PUM1: variants seen among roughly 807,000 people sequenced by gnomAD.
The protein encoded by PUM1 is pumilio homolog 1.
Under a neutral mutation model 131.8 loss-of-function variants are expected in PUM1, and 13 were observed. That is an observed-to-expected ratio of 0.10 (90% CI 0.06 to 0.16). The LOEUF is 0.16. PUM1 is among the 10% of genes least tolerant of loss of function. The pLI is 1.00. For synonymous variants in PUM1, 509 were observed against 556.5 expected (o/e 0.91, Z 1.20); for missense variants, 961 against 1,512.4 (o/e 0.64, Z 6.05).
At chr1:31,048,943 C>T (rs1036691882) in intron 2 of PUM1, among the ~76,000 whole-genome samples, 4 of 152,210 alleles carry the variant, frequency 2.6e-5, no homozygotes, top group Middle Eastern at 6.8e-3. Context: ...CAGTGGCTCA[C>T]GCCTGTAATC....
intron 16 of PUM1, among the ~76,000 whole-genome samples, chr1:30,951,546 G>C (rs563178413): frequency 6.6e-6 from 1 of 151,586 alleles, no homozygotes; most frequent in African/African-American, 2.4e-5. Context: ...TCCTCATCTC[G>C]AAGTTTTGTG....
chr1:31,004,371 GGTTCCA>G (rs1329126388), intron 5 of PUM1, among the ~76,000 whole-genome samples: 1 of 152,170 alleles, frequency 6.6e-6, no homozygotes. Flanking sequence ...TAGAGTCACA[GGTTCCA>G]GTTCACCACA....
At chr1:30,934,554 G>A (rs1267661733) in intron 21 of PUM1, among the ~76,000 whole-genome samples, 2 of 152,168 alleles carry the variant, frequency 1.3e-5, no homozygotes, top group African/African-American at 4.8e-5. Context: ...AGGGGAAACT[G>A]GCTGGTGGCA....
chr1:31,018,652 C>T (rs554151942), intron 3 of PUM1, among the ~76,000 whole-genome samples: 3 of 151,946 alleles, frequency 2.0e-5, no homozygotes, highest in Admixed American at 6.5e-5. Flanking sequence ...AGCAAGGCTC[C>T]ATCTCAAAAA....
intron 10 of PUM1, 138 bp downstream of exon 10, chr1:30,974,513 G>A: frequency 1.2e-6 from 1 of 831,862 alleles, no homozygotes; most frequent in Non-Finnish European, 1.8e-6. Context: ...ATCTGAGCCT[G>A]AACTCAGACA....
intron 2 of PUM1, among the ~76,000 whole-genome samples, chr1:31,038,915 ATACT>A (rs1005988186): frequency 7.9e-5 from 11 of 140,082 alleles, no homozygotes; most frequent in African/African-American, 2.7e-4. Flanking sequence ...ATTAAAGCAT[ATACT>A]TAGAGAATTT....
At chr1:31,007,451 T>TA (rs1642434908) in intron 3 of PUM1, among the ~76,000 whole-genome samples, 1 of 152,168 alleles carries the variant, frequency 6.6e-6, no homozygotes, top group African/African-American at 2.4e-5. Context: ...AGTGGACTCT[T>TA]ACTGAAAAAG....
chr1:30,954,556 C>T (rs1179464232), intron 14 of PUM1, among the ~76,000 whole-genome samples: 4 of 152,088 alleles, frequency 2.6e-5, no homozygotes, highest in Non-Finnish European at 4.4e-5. Context: ...ATGGATGAGA[C>T]ATAATGAGTA....
At chr1:31,005,749 T>C in intron 5 of PUM1, 104 bp downstream of exon 5, 2 of 1,141,640 alleles carry the variant, frequency 1.8e-6, no homozygotes, top group Middle Eastern at 2.2e-4. Flanking sequence ...GCTGTGAACA[T>C]CTAAGGAAAC....
At chr1:31,038,973 TATATATATA>T (rs1557599171) in intron 2 of PUM1, among the ~76,000 whole-genome samples, 2 of 35,274 alleles carry the variant, frequency 5.7e-5, no homozygotes, top group African/African-American at 1.5e-4. Flanking sequence ...TATATATATA[TATATATATA>T]TATTTTTTTT....
intron 3 of PUM1, among the ~76,000 whole-genome samples, chr1:31,008,554 C>T (rs1269508963): frequency 6.6e-6 from 1 of 151,966 alleles, no homozygotes; most frequent in East Asian, 1.9e-4. Flanking sequence ...GAAAGAGCCC[C>T]GATCGAGGGT....
At chr1:30,939,081 A>C (rs1034988278) in intron 20 of PUM1, among the ~76,000 whole-genome samples, 2 of 152,134 alleles carry the variant, frequency 1.3e-5, no homozygotes, top group African/African-American at 4.8e-5. Context: ...TTCTTTACTA[A>C]TTCCAATAAC....
intron 20 of PUM1, among the ~76,000 whole-genome samples, chr1:30,938,878 GAT>G (rs1639323825): frequency 8.9e-4 from 70 of 78,444 alleles, no homozygotes; most frequent in African/African-American, 5.2e-3. Context: ...CATAGATAGA[GAT>G]AGATAGATAG....
At chr1:30,950,762 G>A (rs958971764) in intron 16 of PUM1, among the ~76,000 whole-genome samples, 1 of 152,208 alleles carries the variant, frequency 6.6e-6, no homozygotes, top group African/African-American at 2.4e-5. Context: ...TCCGGAGGCT[G>A]AGGCAGGAGA....
chr1:30,938,960 CAGAT>C (rs758118862), intron 20 of PUM1, among the ~76,000 whole-genome samples: 11 of 151,312 alleles, frequency 7.3e-5, no homozygotes, highest in Admixed American at 2.6e-4. Flanking sequence ...GACAGATAGA[CAGAT>C]ACATACATAC....
chr1:30,970,590 T>C (rs779102639), intron 10 of PUM1, among the ~76,000 whole-genome samples: 9 of 152,180 alleles, frequency 5.9e-5, no homozygotes, highest in Non-Finnish European at 1.2e-4. Context: ...ACTACGTAGA[T>C]AGAAGAGTCG....
chr1:30,961,761 C>T (rs922730581), intron 14 of PUM1, among the ~76,000 whole-genome samples: 9 of 151,834 alleles, frequency 5.9e-5, no homozygotes, highest in Non-Finnish European at 1.0e-4. Context: ...GGCTGATGTG[C>T]GCATTCAAAC....
chr1:31,003,638 T>C (rs1384010733), intron 5 of PUM1, among the ~76,000 whole-genome samples: 1 of 152,054 alleles, frequency 6.6e-6, no homozygotes, highest in Non-Finnish European at 1.5e-5. Context: ...GCATCTGTAA[T>C]CTCAGCTACT....
In PUM1 at chr1:30,966,437, C is replaced by T. The variant is rs143888228; in HGVS notation, c.1790-159G>A. On this transcript the variant is annotated intron_variant, in intron 12 of 21. Coordinates refer to ENST00000426105, the MANE Select transcript of PUM1 (RefSeq NM_001020658.2). ...TCTTTGATCCCTTCATATGAAGCTT[C>T]TATTTTCTGTTTCTACTTTCAATTT... 1.8e-4 allele frequency: 123 copies of T among 672,282 alleles called. No homozygotes were observed. In the African/African-American group the frequency reaches 1.9e-3, roughly 10 times the overall value. The allele number at this position is 672,282 out of a possible 1,614,324, so 41.6% of individuals were successfully genotyped here.
Sources: allele counts gnomAD v4.1 joint callset (sites outside exome capture counted in the v4.1 genomes callset), GRCh38; gene constraint gnomAD v4.1.1; transcripts MANE v1.5; gene names NCBI Gene and HGNC (gene_info 2026-07-23, HGNC 2026-07-21).